Variants in KCNB2 observed in about 807,000 individuals in gnomAD.
KCNB2 encodes delayed rectifier potassium channel protein.
KCNB2 carries 15 observed loss-of-function variants against 61.5 expected under a neutral mutation model. The observed-to-expected ratio is 0.24, with a 90% CI of 0.16 to 0.38. The LOEUF is 0.38. KCNB2 is among the 10% of genes least tolerant of loss of function. KCNB2 has a pLI of 1.00. For missense variants in KCNB2, 828 were observed against 1,125.2 expected (o/e 0.74, Z 3.78); for synonymous variants, 457 against 446.0 (o/e 1.02, Z -0.31).
chr8:72,868,238 T>G (rs1805563269), intron 2 of KCNB2, among the ~76,000 whole-genome samples: 1 of 150,632 alleles, frequency 6.6e-6, no homozygotes, highest in African/African-American at 2.4e-5. Context: ...ACCCAGCCTA[T>G]TCTTGCTCTT....
intron 2 of KCNB2, among the ~76,000 whole-genome samples, chr8:72,868,239 T>C (rs1399424161): frequency 1.3e-5 from 2 of 151,132 alleles, no homozygotes; most frequent in Non-Finnish European, 3.0e-5. Flanking sequence ...CCCAGCCTAT[T>C]CTTGCTCTTT....
intron 2 of KCNB2, among the ~76,000 whole-genome samples, chr8:72,803,477 T>A (rs1357267479): frequency 6.6e-6 from 1 of 152,174 alleles, no homozygotes; most frequent in Non-Finnish European, 1.5e-5. Context: ...ACCACCAACA[T>A]CACATCTCTA....
intron 2 of KCNB2, among the ~76,000 whole-genome samples, chr8:72,766,839 C>G (rs1808466820): frequency 6.6e-6 from 1 of 152,110 alleles, no homozygotes; most frequent in Non-Finnish European, 1.5e-5. Flanking sequence ...AGTCCATTTT[C>G]ATGCCATTGA....
At chr8:72,779,215 G>T (rs1339164792) in intron 2 of KCNB2, among the ~76,000 whole-genome samples, 1 of 152,294 alleles carries the variant, frequency 6.6e-6, no homozygotes, top group Non-Finnish European at 1.5e-5. Flanking sequence ...AGCCTGCAAA[G>T]CCAAAGGATA....
chr8:72,773,785 G>C (rs1808602993), intron 2 of KCNB2, among the ~76,000 whole-genome samples: 1 of 152,180 alleles, frequency 6.6e-6, no homozygotes, highest in East Asian at 1.9e-4. Flanking sequence ...TTGTACCTAA[G>C]AACTTTCAGA....
chr8:72,924,699 G>C (rs1005484127), intron 2 of KCNB2, among the ~76,000 whole-genome samples: 1 of 152,146 alleles, frequency 6.6e-6, no homozygotes, highest in Non-Finnish European at 1.5e-5. Context: ...AATAAATACA[G>C]AAGTGCTTGG....
At position 72,665,176 on chromosome 8, in the gene KCNB2, G is replaced by A. The variant is rs193152708; in HGVS notation, c.579+96863G>A. Among the ~76,000 whole-genome samples, 97 of 152,282 alleles carry A rather than the reference G, an allele frequency of 6.4e-4. 2 individuals are homozygous for A. The highest frequency in any genetic ancestry group is 2.3e-3 in the African/African-American group (96 of 41,552). ...GACCGCTTGAGGTGCTGCACTAATA[G>A]GATGAAGAGGAGAAGAAGGAATAAG... On this transcript the variant is annotated intron_variant, in intron 2 of 2. Transcript: ENST00000523207.
chr8:72,634,937 G>A (rs1274903126), intron 2 of KCNB2, among the ~76,000 whole-genome samples: 2 of 152,114 alleles, frequency 1.3e-5, no homozygotes, highest in African/African-American at 2.4e-5. Flanking sequence ...AAGCCCCCTA[G>A]AATTCTTTGG....
chr8:72,886,626 T>C (rs546110873), intron 2 of KCNB2, among the ~76,000 whole-genome samples: 13 of 152,304 alleles, frequency 8.5e-5, no homozygotes, highest in Middle Eastern at 3.4e-3. Context: ...CAGAGCTACT[T>C]GCACCCCTGA....
At chr8:72,785,064 A>C (rs1401863100) in intron 2 of KCNB2, among the ~76,000 whole-genome samples, 1 of 152,192 alleles carries the variant, frequency 6.6e-6, no homozygotes, top group Non-Finnish European at 1.5e-5. Context: ...CTAATGTCTC[A>C]ATTTAAATTA....
chr8:72,733,724 C>T (rs1419881757), intron 2 of KCNB2, among the ~76,000 whole-genome samples: 1 of 152,192 alleles, frequency 6.6e-6, no homozygotes, highest in African/African-American at 2.4e-5. Context: ...GAGGAGTGTT[C>T]TGAGCTGATC....
intron 2 of KCNB2, among the ~76,000 whole-genome samples, chr8:72,748,982 C>T (rs1297668692): frequency 6.6e-6 from 1 of 151,948 alleles, no homozygotes; most frequent in East Asian, 1.9e-4. Flanking sequence ...AATTTTGTAC[C>T]CTTTGACCAA....
rs542870664 is a variant in KCNB2, at chr8:72,580,572, A to G, written c.579+12259A>G. Among the ~76,000 whole-genome samples the G allele has an allele frequency of 2.6e-5, 4 of 152,224 alleles. No homozygotes were observed. The South Asian group carries it at 8.3e-4, about 32-fold the overall frequency. ...GTGAATCATAAATTCCACCCTAAATATTTCACATTTTGAACTCTGTTAGCA... is the reference window on the plus strand; with the variant it reads ...GTGAATCATAAATTCCACCCTAAATGTTTCACATTTTGAACTCTGTTAGCA... On this transcript the variant is annotated intron_variant, in intron 2 of 2. Coordinates refer to ENST00000523207, the MANE Select transcript of KCNB2 (RefSeq NM_004770.3).
Position 72,561,691 on chromosome 8 carries a change from T to TTTTATA in KCNB2, c.-93-5950_-93-5949insTTATAT, listed in dbSNP as rs1554576093. On this transcript the variant is annotated intron_variant, in intron 1 of 2. Coordinates refer to ENST00000523207, the MANE Select transcript of KCNB2 (RefSeq NM_004770.3). ...GCTGAAAATTTCCAGGATCTTACTTTTATATATATATATATATATATATAT... is the reference window on the plus strand; with the variant it reads ...GCTGAAAATTTCCAGGATCTTACTTTTTTATATATATATATATATATATATATATAT... Among the ~76,000 whole-genome samples the TTTTATA allele has an allele frequency of 6.2e-4, 12 of 19,398 alleles. 1 individual carries two copies. The highest frequency in any genetic ancestry group is 8.4e-4 in the African/African-American group (3 of 3,556). The allele number at this position is 19,398 out of a possible 152,430, so 12.7% of individuals were successfully genotyped here.
chr8:72,683,541 A>G (rs1406529326), intron 2 of KCNB2, among the ~76,000 whole-genome samples: 1 of 152,218 alleles, frequency 6.6e-6, no homozygotes, highest in Non-Finnish European at 1.5e-5. Context: ...TCATCAGGGC[A>G]CTGCTGCTGA....
intron 2 of KCNB2, among the ~76,000 whole-genome samples, chr8:72,837,874 A>G (rs558630456): frequency 6.6e-6 from 1 of 152,184 alleles, no homozygotes; most frequent in Non-Finnish European, 1.5e-5. Context: ...TTAACCAACA[A>G]AGTCTATGAA....
At chr8:72,714,965 G>T (rs1424626317) in intron 2 of KCNB2, among the ~76,000 whole-genome samples, 1 of 152,160 alleles carries the variant, frequency 6.6e-6, no homozygotes, top group East Asian at 1.9e-4. Flanking sequence ...GATGGAGGAA[G>T]ATCTACCAAG....
chr8:72,834,020 C>A (rs889704207), intron 2 of KCNB2, among the ~76,000 whole-genome samples: 1 of 152,208 alleles, frequency 6.6e-6, no homozygotes, highest in Non-Finnish European at 1.5e-5. Context: ...TCCACAAAAG[C>A]ATTTTTCTTC....
chr8:72,713,025 G>T (rs1056029688), intron 2 of KCNB2, among the ~76,000 whole-genome samples: 8 of 152,318 alleles, frequency 5.3e-5, no homozygotes, highest in Admixed American at 4.6e-4. Context: ...CCCACACATG[G>T]CTTGGAGGGT....
Sources: allele counts gnomAD v4.1 joint callset (sites outside exome capture counted in the v4.1 genomes callset), GRCh38; gene constraint gnomAD v4.1.1; transcripts MANE v1.5; gene names NCBI Gene and HGNC (gene_info 2026-07-23, HGNC 2026-07-21).